The following CDH8 variants were observed in gnomAD, a reference collection of about 807,000 sequenced individuals.
CDH8 encodes cadherin 8.
A neutral mutation model predicts 68.1 loss-of-function variants in CDH8; 17 were observed. That is an observed-to-expected ratio of 0.25 (90% CI 0.17 to 0.37). CDH8 has a LOEUF of 0.37. CDH8 is among the 10% of genes least tolerant of loss of function. CDH8 has a pLI of 1.00. For missense variants in CDH8, 763 were observed against 999.3 expected, an observed-to-expected ratio of 0.76 and a Z score of 3.19; for synonymous variants, 372 against 365.1, an observed-to-expected ratio of 1.02 and a Z score of -0.21.
Position 61,789,428 on chromosome 16 carries a change from G to C in CDH8, c.1332C>G (p.Asp444Glu). The C allele has an allele frequency of 6.2e-7, 1 of 1,612,918 alleles. No individual in the cohort carries two copies. The highest frequency in any genetic ancestry group is 1.7e-5 in the Admixed American group (1 of 59,878). Residue 444 changes from aspartate (D) to glutamate (E), a missense_variant, in exon 8 of 12, where the codon GAC becomes GAG. Asp to Glu is a conservative substitution (Grantham distance 45, BLOSUM62 2). This residue lies in a region of CDH8 where 366 missense variants were observed against 563.1 expected (regional missense o/e 0.65). Transcript: ENST00000577390. ...GTGTTGCCAGCGTTATCTTCCCATC[G>C]TCTGCATTAATGTTGAACTGCCTCT... ...DLERQFNINA[D>E]DGKITLATPL...
chr16:61,829,263 T>C (rs59590506), intron 4 of CDH8, among the ~76,000 whole-genome samples: 4,785 of 151,928 alleles, frequency 0.031, 247 homozygotes, highest in African/African-American at 0.11. Context: ...CCTTCCTTTG[T>C]TCCTTAAGGT....
chr16:61,894,979 G>A (rs1215435937), intron 3 of CDH8, among the ~76,000 whole-genome samples: 1 of 152,052 alleles, frequency 6.6e-6, no homozygotes, highest in Non-Finnish European at 1.5e-5. Flanking sequence ...AGTTACTCTT[G>A]TTAGGCTTTA....
At chr16:61,657,815 TATA>T (rs1963478015) in intron 10 of CDH8, among the ~76,000 whole-genome samples, 1 of 152,106 alleles carries the variant, frequency 6.6e-6, no homozygotes, top group Non-Finnish European at 1.5e-5. Flanking sequence ...AACAGACTAT[TATA>T]ATAATTTAGA....
chr16:61,793,612 C>T (rs568900157), intron 7 of CDH8, among the ~76,000 whole-genome samples: 55 of 152,176 alleles, frequency 3.6e-4, no homozygotes, highest in African/African-American at 1.2e-3. Context: ...CATAGTATTC[C>T]ATGGTATATG....
rs76871505 is a variant in CDH8, at chr16:61,860,523, A to G, written c.548-3285T>C. 1.5e-3 allele frequency among the ~76,000 whole-genome samples: 236 copies of G among 152,330 alleles called. 6 individuals are homozygous for G. In the East Asian group the frequency reaches 0.022, roughly 14 times the overall value. ...TTATGAGAAAGATGTCTCTTCATGT[A>G]GAAGACCATATAACAATTTATTTTT... On this transcript the variant is annotated intron_variant, in intron 3 of 11. Transcript: ENST00000577390.
chr16:61,759,531 GA>G (rs1960411538), intron 8 of CDH8, among the ~76,000 whole-genome samples: 1 of 152,096 alleles, frequency 6.6e-6, no homozygotes, highest in Non-Finnish European at 1.5e-5. Flanking sequence ...TCAGTTCTCT[GA>G]AACAGTACTG....
At chr16:61,704,720 A>G (rs1450990157) in intron 10 of CDH8, among the ~76,000 whole-genome samples, 2 of 152,200 alleles carry the variant, frequency 1.3e-5, no homozygotes, top group Non-Finnish European at 2.9e-5. Context: ...TAATTGGTGG[A>G]CTTGGGACTT....
chr16:61,844,195 A>G (rs1201034194), intron 4 of CDH8, among the ~76,000 whole-genome samples: 2 of 147,314 alleles, frequency 1.4e-5, no homozygotes. Context: ...CAAACACTGC[A>G]TGTTCTCACT....
chr16:61,694,722 A>G (rs1443413556), intron 10 of CDH8, among the ~76,000 whole-genome samples: 1 of 152,130 alleles, frequency 6.6e-6, no homozygotes, highest in Non-Finnish European at 1.5e-5. Context: ...AACATTTAAA[A>G]GTATAGCTTA....
Position 61,652,554 on chromosome 16 carries a change from G to C in CDH8, c.*1054C>G. 3 of 1,050,360 alleles carry C rather than the reference G, an allele frequency of 2.9e-6. No individual in the cohort carries two copies. Among genetic ancestry groups the C allele is most frequent in the Non-Finnish European group, 3.4e-6 (3 of 872,148 alleles). 65.1% of individuals were successfully genotyped at this position (1,050,360 alleles called of 1,614,324 possible). On this transcript the variant is annotated 3_prime_UTR_variant, in exon 12 of 12. Transcript: ENST00000577390. Reference sequence around the variant, plus strand: ...ACAATAACACTTTCTACTCTAAAGAGACTATTAGCTCTCCTTTCGATAATA... The same window carrying C: ...ACAATAACACTTTCTACTCTAAAGACACTATTAGCTCTCCTTTCGATAATA...
chr16:61,881,549 C>A (rs556985448), intron 3 of CDH8, among the ~76,000 whole-genome samples: 1 of 152,214 alleles, frequency 6.6e-6, no homozygotes, highest in East Asian at 1.9e-4. Flanking sequence ...AAGATGCGCA[C>A]TGATGTTTAT....
At chr16:61,926,438 C>A (rs62052036) in intron 2 of CDH8, among the ~76,000 whole-genome samples, 1 of 152,146 alleles carries the variant, frequency 6.6e-6, no homozygotes, top group Non-Finnish European at 1.5e-5. Context: ...GTCTTTGTAA[C>A]ACCTTCAAAT....
intron 4 of CDH8, among the ~76,000 whole-genome samples, chr16:61,834,455 C>T (rs563016053): frequency 3.3e-5 from 5 of 151,966 alleles, no homozygotes; most frequent in African/African-American, 7.2e-5. Flanking sequence ...CTGAAGAACA[C>T]GGGGTTCTCA....
At chr16:61,782,849 G>A (rs1961117583) in intron 8 of CDH8, among the ~76,000 whole-genome samples, 1 of 151,986 alleles carries the variant, frequency 6.6e-6, no homozygotes, top group Admixed American at 6.6e-5. Flanking sequence ...CACATGGCAG[G>A]GTATTCCAAC....
chr16:61,930,131 C>T (rs1964517858), intron 2 of CDH8, among the ~76,000 whole-genome samples: 1 of 151,996 alleles, frequency 6.6e-6, no homozygotes, highest in African/African-American at 2.4e-5. Context: ...AAAACAACTA[C>T]TTACTTATAT....
chr16:61,825,328 G>C, intron 4 of CDH8, 149 bp from the exon 5 acceptor site: 1 of 578,064 alleles, frequency 1.7e-6, no homozygotes, highest in Non-Finnish European at 2.9e-6. Flanking sequence ...TGATTGGTGT[G>C]TGCCTGTTAC....
chr16:61,818,935 C>CT (rs34723976), intron 6 of CDH8, among the ~76,000 whole-genome samples: 69,303 of 127,452 alleles, frequency 0.54, 19,886 homozygotes, highest in African/African-American at 0.76. Context: ...GACTTGGCTC[C>CT]TTTTTTTTTT....
rs569820881 is a variant in CDH8, at chr16:61,849,478, G to C, written c.667+7641C>G. The stretch of plus-strand genomic sequence containing the variant: ...TGTGCTATGCCAAGAGGCTTACAAG[G>C]GACTCCACATGTAACAGAATTAGCC... On this transcript the variant is annotated intron_variant, in intron 4 of 11. Coordinates refer to ENST00000577390, the MANE Select transcript of CDH8 (RefSeq NM_001796.5). Among the ~76,000 whole-genome samples the C allele has an allele frequency of 1.2e-4, 18 of 152,174 alleles. No homozygotes were observed. The South Asian group carries it at 3.7e-3, about 32-fold the overall frequency.
chr16:61,715,842 A>G (rs573297723), intron 9 of CDH8, among the ~76,000 whole-genome samples: 1 of 151,718 alleles, frequency 6.6e-6, no homozygotes, highest in Non-Finnish European at 1.5e-5. Context: ...AAGTAAAAAT[A>G]TTTAACAGAA....
Sources: allele counts gnomAD v4.1 joint callset (sites outside exome capture counted in the v4.1 genomes callset), GRCh38; gene constraint gnomAD v4.1.1; regional missense constraint gnomAD v4.1.1; transcripts MANE v1.5; gene names NCBI Gene and HGNC (gene_info 2026-07-23, HGNC 2026-07-21).